Variants in SSUH2 observed in about 807,000 individuals in gnomAD.
SSUH2 encodes the protein ssu-2 homolog, also known as protein SSUH2 homolog.
SSUH2 carries 47 observed loss-of-function variants against 55.3 expected under a neutral mutation model. The ratio of observed to expected loss-of-function variants is 0.85; its 90% CI spans 0.67 to 1.08. The LOEUF (loss-of-function observed/expected upper bound fraction) is 1.08, where lower values mean the gene tolerates loss of function less well. Ranked by LOEUF, SSUH2 falls within the 50% of genes least tolerant of loss-of-function variation. SSUH2 has a pLI of 0.00. For missense variants in SSUH2, 535 were observed against 490.7 expected, an observed-to-expected ratio of 1.09 and a Z score of -0.85; for synonymous variants, 212 against 191.5, an observed-to-expected ratio of 1.11 and a Z score of -0.89.
chr3:8,649,575 CTG>C (rs554493916), upstream of SSUH2, among the ~76,000 whole-genome samples: 150 of 152,270 alleles, frequency 9.9e-4, no homozygotes, highest in African/African-American at 3.4e-3. Flanking sequence ...CGAGCTCTCT[CTG>C]TGTGTTCAGC....
At chr3:8,663,897 G>A (rs1409465251) in intron 5 of SSUH2, 1 of 448,950 alleles carries the variant, frequency 2.2e-6, no homozygotes, top group African/African-American at 2.0e-5. Context: ...ACTGCACAAA[G>A]GAGGGAACTG....
chr3:8,630,974 G>C, intron 5 of SSUH2, 45 bp from the exon 6 acceptor site: 2 of 1,332,906 alleles, frequency 1.5e-6, no homozygotes, highest in Non-Finnish European at 1.9e-6. Flanking sequence ...AGGGCAGCAG[G>C]GATAAACTTT....
intron 1 of SSUH2, among the ~76,000 whole-genome samples, chr3:8,644,029 T>A (rs992690200): frequency 6.6e-6 from 1 of 150,966 alleles, no homozygotes; most frequent in Non-Finnish European, 1.5e-5. Flanking sequence ...GCACTGCCTG[T>A]TTCAAATTCG....
At position 8,635,202 on chromosome 3, in the gene SSUH2, C is replaced by T. The variant is rs543908436; in HGVS notation, c.209+98G>A. 5.6e-5 allele frequency: 58 copies of T among 1,035,838 alleles called. No individual in the cohort carries two copies. In the South Asian group the frequency reaches 8.6e-4, roughly 15 times the overall value. The allele number at this position is 1,035,838 out of a possible 1,614,324, so 64.2% of individuals were successfully genotyped here. Reference sequence around the variant, plus strand: ...AGTAGGTCTGGGGTGCAGACGGCCCCCTCCAGGGATCCTGATGCACTGCCA... The same window carrying T: ...AGTAGGTCTGGGGTGCAGACGGCCCTCTCCAGGGATCCTGATGCACTGCCA... On this transcript the variant is annotated intron_variant, in intron 3 of 11. Transcript: ENST00000544814.
intron 1 of SSUH2, among the ~76,000 whole-genome samples, chr3:8,642,655 G>A (rs1001799298): frequency 6.6e-6 from 1 of 152,202 alleles, no homozygotes; most frequent in African/African-American, 2.4e-5. Flanking sequence ...GTCCCAAAAC[G>A]TATCACTGGA....
intron 1 of SSUH2, among the ~76,000 whole-genome samples, chr3:8,680,435 G>C (rs565613706): frequency 6.6e-6 from 1 of 152,024 alleles, no homozygotes; most frequent in East Asian, 1.9e-4. Context: ...GTACACCCTC[G>C]GTGTACAGAG....
chr3:8,627,844 C>T, intron 7 of SSUH2, 61 bp from the exon 8 acceptor site: 3 of 1,483,032 alleles, frequency 2.0e-6, no homozygotes, highest in Non-Finnish European at 1.8e-6. Flanking sequence ...CCAACGGCAT[C>T]CCAAGACCTG....
chr3:8,670,375 C>T (rs866158111), intron 5 of SSUH2, among the ~76,000 whole-genome samples: 23 of 151,942 alleles, frequency 1.5e-4, no homozygotes, highest in African/African-American at 5.6e-4. Flanking sequence ...ATAACACAGG[C>T]GGTGTACACA....
intron 11 of SSUH2, among the ~76,000 whole-genome samples, chr3:8,622,950 C>T (rs1696737565): frequency 6.6e-6 from 1 of 152,188 alleles, no homozygotes; most frequent in Non-Finnish European, 1.5e-5. Context: ...GGTTCCTGTC[C>T]CGGCTGCTGT....
intron 11 of SSUH2, among the ~76,000 whole-genome samples, chr3:8,621,865 C>G (rs1035321532): frequency 3.3e-5 from 5 of 152,164 alleles, no homozygotes; most frequent in Non-Finnish European, 5.9e-5. Context: ...GAAGTCAGGA[C>G]CACTCTTGTT....
chr3:8,671,584 C>T (rs929890811), intron 4 of SSUH2, among the ~76,000 whole-genome samples: 34 of 78,196 alleles, frequency 4.3e-4, no homozygotes, highest in African/African-American at 7.5e-4. Flanking sequence ...TATTAATGTC[C>T]CGCTAGGATA....
upstream of SSUH2, among the ~76,000 whole-genome samples, chr3:8,645,747 T>A (rs1335252464): frequency 6.6e-6 from 1 of 152,166 alleles, no homozygotes; most frequent in Non-Finnish European, 1.5e-5. Context: ...CAGGACTATT[T>A]TGTCAGTGTC....
intron 7 of SSUH2, among the ~76,000 whole-genome samples, chr3:8,655,687 A>G (rs559638065): frequency 2.0e-5 from 3 of 152,306 alleles, no homozygotes; most frequent in African/African-American, 7.2e-5. Flanking sequence ...CCTCGAATCC[A>G]TTTTCTGATT....
Position 8,643,472 on chromosome 3 carries a change from T to A in SSUH2, c.28+1259A>T, listed in dbSNP as rs551901959. On this transcript the variant is annotated intron_variant, in intron 1 of 11. Transcript: ENST00000544814. ...TAGAACAAGAGTATGGATATACAAT[T>A]TCCAATATATTAGAGGTCAGATTAA... Among the ~76,000 whole-genome samples, 4 of 152,318 alleles carry A rather than the reference T, an allele frequency of 2.6e-5. No individual in the cohort carries two copies. In the East Asian group the frequency reaches 5.8e-4, roughly 22 times the overall value.
At chr3:8,674,768 C>T (rs1379363979) in intron 3 of SSUH2, among the ~76,000 whole-genome samples, 12 of 152,048 alleles carry the variant, frequency 7.9e-5, no homozygotes, top group Admixed American at 7.9e-4. Context: ...GAACAGGAGT[C>T]ATTATGACCC....
At position 8,667,591 on chromosome 3, in the gene SSUH2, T is replaced by G. The variant is rs140088604; in HGVS notation, c.-455+3407A>C. On this transcript the variant is annotated intron_variant, in intron 5 of 18. Coordinates refer to the SSUH2 transcript ENST00000317371. ...AGGCCACCCTCCAGGAATCACCACG[T>G]GTTCAGAGATCCAAAAGCTCTCGAA... 2.0e-3 allele frequency among the ~76,000 whole-genome samples: 312 copies of G among 152,346 alleles called. 1 individual carries two copies. Among genetic ancestry groups the G allele is most frequent in the African/African-American group, 6.8e-3 (283 of 41,578 alleles).
chr3:8,643,345 G>T (rs1029397307), intron 1 of SSUH2, among the ~76,000 whole-genome samples: 2 of 152,164 alleles, frequency 1.3e-5, no homozygotes, highest in Admixed American at 6.5e-5. Flanking sequence ...ATCTGACCTA[G>T]TCCATTGCTA....
intron 3 of SSUH2, chr3:8,634,109 T>C (rs572370412): frequency 1.6e-4 from 123 of 749,370 alleles, no homozygotes; most frequent in Non-Finnish European, 2.5e-4. Flanking sequence ...ATTTTATAGA[T>C]AAGAAAAACA....
At chr3:8,630,246 C>T (rs1415841853) in intron 6 of SSUH2, among the ~76,000 whole-genome samples, 2 of 152,184 alleles carry the variant, frequency 1.3e-5, no homozygotes, top group Non-Finnish European at 2.9e-5. Context: ...AGCAAAATTG[C>T]ACCCTTAAAT....
Sources: allele counts gnomAD v4.1 joint callset (sites outside exome capture counted in the v4.1 genomes callset), GRCh38; gene constraint gnomAD v4.1.1; transcripts MANE v1.5; gene names NCBI Gene and HGNC (gene_info 2026-07-23, HGNC 2026-07-21).